DENND5A: variants seen among roughly 807,000 people sequenced by gnomAD.
DENND5A encodes DENN domain-containing protein 5A.
DENND5A carries 64 observed loss-of-function variants against 140.3 expected under a neutral mutation model. The observed-to-expected ratio is 0.46, with a 90% CI of 0.37 to 0.56. The LOEUF (loss-of-function observed/expected upper bound fraction) is 0.56, where lower values mean the gene tolerates loss of function less well. Ranked by LOEUF, DENND5A falls within the 20% of genes least tolerant of loss-of-function variation. The pLI, the probability that DENND5A is intolerant of heterozygous loss-of-function variation, is 0.00. For missense variants in DENND5A, 1,292 were observed against 1,593.8 expected (o/e 0.81, Z 3.22); for synonymous variants, 605 against 607.7 (o/e 1.00, Z 0.07).
chr11:9,179,063 C>A lies in DENND5A; in HGVS notation c.1466G>T (p.Arg489Leu). The change falls in exon 7 of 23, where the codon CGT (arginine) becomes CTT (leucine). Residue 489 changes from arginine to leucine, a missense_variant. Around this residue, in one of 4 missense-constraint regions of DENND5A, gnomAD observed 566 missense variants for 650.4 expected, o/e 0.87. Coordinates refer to ENST00000328194, the MANE Select transcript of DENND5A (RefSeq NM_015213.4). ...TGVSLEKLEVREDPSSNKDLK... is the reference protein window; with the variant it reads ...TGVSLEKLEVLEDPSSNKDLK... ...ATCCTTATTGCTGCTGGGGTCTTCA[C>A]GCACTTCCAACTACAAAAAAAGAAA... 1 of 1,613,952 alleles carries A rather than the reference C, an allele frequency of 6.2e-7. No homozygotes were observed.
intron 19 of DENND5A, 114 bp from the exon 20 acceptor site, chr11:9,143,599 G>T: frequency 1.2e-6 from 1 of 865,430 alleles, no homozygotes; most frequent in Non-Finnish European, 1.9e-6. Flanking sequence ...AGGGCAGCTG[G>T]ACCCTAGGAA....
intron 1 of DENND5A, among the ~76,000 whole-genome samples, chr11:9,236,622 C>A (rs1851014814): frequency 6.6e-6 from 1 of 151,782 alleles, no homozygotes; most frequent in Admixed American, 6.6e-5. Context: ...GGGCACAACC[C>A]TGTAATCTCA....
chr11:9,208,114 TA>T (rs1849753878), intron 1 of DENND5A, among the ~76,000 whole-genome samples: 4 of 152,208 alleles, frequency 2.6e-5, no homozygotes, highest in African/African-American at 9.7e-5. Context: ...AAGTGAAATC[TA>T]TACCTGTTTA....
At chr11:9,153,701 T>C (rs1218556837) in intron 12 of DENND5A, among the ~76,000 whole-genome samples, 2 of 152,172 alleles carry the variant, frequency 1.3e-5, no homozygotes, top group Non-Finnish European at 2.9e-5. Flanking sequence ...ATTGAAGGTA[T>C]AGTTGAAGAA....
At chr11:9,243,087 C>CAAAAAAAAAAAAAA (rs539119487) in intron 1 of DENND5A, among the ~76,000 whole-genome samples, 1 of 66,876 alleles carries the variant, frequency 1.5e-5, no homozygotes, top group African/African-American at 6.2e-5. Flanking sequence ...GACTCTGTCT[C>CAAAAAAAAAAAAAA]AAAAAAAAAA....
chr11:9,251,765 G>A (rs999746083), intron 1 of DENND5A, among the ~76,000 whole-genome samples: 3 of 151,990 alleles, frequency 2.0e-5, no homozygotes, highest in Non-Finnish European at 4.4e-5. Context: ...CGAGGCGGGC[G>A]GATTCCGAGG....
At chr11:9,242,094 T>C (rs1851262734) in intron 1 of DENND5A, among the ~76,000 whole-genome samples, 1 of 152,032 alleles carries the variant, frequency 6.6e-6, no homozygotes, top group South Asian at 2.1e-4. Context: ...CCCTGTTTAC[T>C]GTTTCCACAG....
At chr11:9,159,455 G>C (rs1847910519) in intron 12 of DENND5A, among the ~76,000 whole-genome samples, 1 of 151,738 alleles carries the variant, frequency 6.6e-6, no homozygotes, top group Non-Finnish European at 1.5e-5. Context: ...CAAGCAGCTG[G>C]GATTACAGGC....
chr11:9,150,882 TTTAA>T (rs1847593160), intron 13 of DENND5A, 118 bp from the exon 14 acceptor site: 9 of 533,118 alleles, frequency 1.7e-5, no homozygotes, highest in East Asian at 1.3e-4. Context: ...CTGGTAACAC[TTTAA>T]TTGATTGTTT....
Position 9,145,120 on chromosome 11 carries a change from G to T in DENND5A, c.3004-7C>A. On this transcript the variant is annotated splice_polypyrimidine_tract_variant and splice_region_variant and intron_variant, in intron 17 of 22. Coordinates refer to ENST00000328194, the MANE Select transcript of DENND5A (RefSeq NM_015213.4). ...GCTTCCCCAAGTTCTGGCACTATTA[G>T]AGAATAGAGAAGATGAGGTAGGTCA... 2 of 1,586,990 alleles carry T rather than the reference G, an allele frequency of 1.3e-6. No individual in the cohort carries two copies. The highest frequency in any genetic ancestry group is 1.7e-6 in the Non-Finnish European group (2 of 1,155,336).
rs762543430 is a variant in DENND5A at position 9,204,029 on chromosome 11, A to G, written c.580T>C (p.Tyr194His). 2 of 1,614,180 alleles carry G rather than the reference A, an allele frequency of 1.2e-6. No homozygotes were observed. Among genetic ancestry groups the G allele is most frequent in the Non-Finnish European group, 8.5e-7 (1 of 1,180,024 alleles). The change falls in exon 4 of 23, where the codon TAT (tyrosine) becomes CAT (histidine). Residue 194 changes from tyrosine to histidine, a missense_variant. By Grantham distance (83) the Tyr-to-His change is moderately conservative. Coordinates refer to ENST00000328194, the MANE Select transcript of DENND5A (RefSeq NM_015213.4). ...TAGAGAGTGTCCCGGCTAATGTCATAGGAGTTGAAGCGCTGCAGTTTGGTC... is the reference window on the plus strand; with the variant it reads ...TAGAGAGTGTCCCGGCTAATGTCATGGGAGTTGAAGCGCTGCAGTTTGGTC... ...PVTKLQRFNS[Y>H]DISRDTLYVS...
intron 1 of DENND5A, among the ~76,000 whole-genome samples, chr11:9,250,862 G>A (rs1450964121): frequency 2.0e-5 from 3 of 152,116 alleles, no homozygotes; most frequent in East Asian, 1.9e-4. Context: ...GGCCGGGTGC[G>A]GTGGCTCACG....
intron 9 of DENND5A, chr11:9,170,373 T>G: frequency 1.5e-5 from 12 of 811,274 alleles, no homozygotes; most frequent in South Asian, 5.6e-5. Flanking sequence ...GAGATGATTT[T>G]AACCCATCTG....
At chr11:9,189,842 G>C (rs546109041) in intron 5 of DENND5A, among the ~76,000 whole-genome samples, 2 of 152,074 alleles carry the variant, frequency 1.3e-5, no homozygotes, top group Admixed American at 6.6e-5. Flanking sequence ...GTATCTCCAC[G>C]TTGGTCAGGC....
chr11:9,240,306 A>C (rs11042237), intron 1 of DENND5A, among the ~76,000 whole-genome samples: 6,972 of 152,188 alleles, frequency 0.046, 543 homozygotes, highest in African/African-American at 0.16. Context: ...GAGGCTGGAG[A>C]ATCGCTTGAA....
At chr11:9,197,261 C>T (rs543026547) in intron 4 of DENND5A, among the ~76,000 whole-genome samples, 46 of 151,116 alleles carry the variant, frequency 3.0e-4, no homozygotes, top group South Asian at 8.4e-4. Flanking sequence ...GCCAAGATCG[C>T]GCCACTGCAC....
At chr11:9,187,837 G>A (rs757745735) in intron 5 of DENND5A, among the ~76,000 whole-genome samples, 42 of 152,206 alleles carry the variant, frequency 2.8e-4, no homozygotes, top group Non-Finnish European at 5.9e-4. Flanking sequence ...GAGCTCATGT[G>A]TTGGTGCAAA....
At chr11:9,247,859 C>T (rs538543180) in intron 1 of DENND5A, among the ~76,000 whole-genome samples, 26 of 152,292 alleles carry the variant, frequency 1.7e-4, no homozygotes, top group Non-Finnish European at 3.1e-4. Context: ...CAAAAGACAG[C>T]TTTGCAGGGC....
chr11:9,257,682 C>T (rs1852007913), intron 1 of DENND5A, among the ~76,000 whole-genome samples: 2 of 151,676 alleles, frequency 1.3e-5, no homozygotes, highest in Non-Finnish European at 2.9e-5. Context: ...CAGGGTTTCA[C>T]CGTGTTAGCC....
Sources: gnomAD v4.1 joint callset for allele counts (sites outside exome capture counted in the v4.1 genomes callset) on GRCh38, gnomAD v4.1.1 for gene constraint, gnomAD v4.1.1 regional missense constraint, MANE v1.5 for transcripts, NCBI Gene and HGNC (gene_info 2026-07-23, HGNC 2026-07-21) for gene names.